The following SRCIN1 variants were observed in gnomAD, a reference collection of about 807,000 sequenced individuals.
SRCIN1 encodes the protein SRC kinase signaling inhibitor 1, also known as P130Cas-associated protein.
In SRCIN1, 50 loss-of-function variants were observed where a neutral mutation model predicts 116.2. That is an observed-to-expected ratio of 0.43 (90% CI 0.34 to 0.54). The LOEUF is 0.54. SRCIN1 is among the 20% of genes least tolerant of loss of function. SRCIN1 has a pLI of 0.02. For synonymous variants in SRCIN1, 736 were observed against 750.0 expected, an observed-to-expected ratio of 0.98 and a Z score of 0.30; for missense variants, 1,446 against 1,672.0, an observed-to-expected ratio of 0.86 and a Z score of 2.36.
Position 38,562,052 on chromosome 17 carries a change from G to T in SRCIN1, c.1111C>A (p.Arg371=), listed in dbSNP as rs1444707817. 1.3e-6 allele frequency: 2 copies of T among 1,488,408 alleles called. No individual in the cohort carries two copies. The highest frequency in any genetic ancestry group is 2.9e-5 in the East Asian group (1 of 34,906). The allele number at this position is 1,488,408 out of a possible 1,614,324, so 92.2% of individuals were successfully genotyped here. The part of the protein sequence containing the change: ...VSPSPSAILE[R]RDVKPDEDLA... ...TCCTCGTCCGGCTTCACGTCGCGCCGCTCCAGGATGGCGCTGGGGCTGGGG... is the reference window on the plus strand; with the variant it reads ...TCCTCGTCCGGCTTCACGTCGCGCCTCTCCAGGATGGCGCTGGGGCTGGGG... The change falls in exon 7 of 19, where the codon CGG becomes AGG. Residue 371 remains arginine (R), a synonymous_variant. Coordinates refer to ENST00000617146, the MANE Select transcript of SRCIN1 (RefSeq NM_025248.3). This position sits in a 1 kb window ranked among gnomAD's most constrained non-coding sequence, Gnocchi z 4.2.
chr17:38,537,993 G>C (rs1236029943), intron 18 of SRCIN1, among the ~76,000 whole-genome samples: 1 of 146,286 alleles, frequency 6.8e-6, no homozygotes, highest in Non-Finnish European at 1.5e-5. Flanking sequence ...CCAGCTACTC[G>C]GGAGGCTGAG....
In SRCIN1 at chr17:38,568,033, C is replaced by T. The variant is rs749386067; in HGVS notation, c.345+178G>A. ...ACTCCATCCACAAGCCCCTGACAGG[C>T]GAACCCAGACTCTCCCAAAGCAGCA... On this transcript the variant is annotated intron_variant, in intron 3 of 18. Transcript: ENST00000617146. This position sits in a 1 kb window ranked among gnomAD's most constrained non-coding sequence, Gnocchi z 4.5. Among the ~76,000 whole-genome samples, 7 of 152,334 alleles carry T rather than the reference C, an allele frequency of 4.6e-5. No homozygotes were observed. The highest frequency in any genetic ancestry group is 1.4e-4 in the African/African-American group (6 of 41,584).
In SRCIN1 at chr17:38,552,881, G is replaced by T. The variant is rs1479668409; in HGVS notation, c.2202-26C>A. Reference sequence around the variant, plus strand: ...CTGCAGCCACAGAGAGACCCTTTCAGCCCTTTTGGCCTGAGATGCCAGCCC... The same window carrying T: ...CTGCAGCCACAGAGAGACCCTTTCATCCCTTTTGGCCTGAGATGCCAGCCC... On this transcript the variant is annotated intron_variant, in intron 11 of 18. Transcript: ENST00000617146. The surrounding 1 kb of genome is among the most constrained non-coding windows in gnomAD (Gnocchi z 5.3). The T allele has an allele frequency of 6.3e-7, 1 of 1,599,094 alleles. No individual in the cohort carries two copies. The highest frequency in any genetic ancestry group is 8.5e-7 in the Non-Finnish European group (1 of 1,171,132).
chr17:38,578,912 C>A, intron 1 of SRCIN1, 121 bp from the exon 2 acceptor site: 1 of 1,186,204 alleles, frequency 8.4e-7, no homozygotes, highest in South Asian at 1.7e-5. Context: ...GGAGAGGCGC[C>A]CGGGGAGAGG....
intron 10 of SRCIN1, 113 bp downstream of exon 10, chr17:38,559,472 C>A: frequency 4.5e-6 from 5 of 1,122,820 alleles, no homozygotes; most frequent in Non-Finnish European, 6.2e-6. Flanking sequence ...AGGACTCGGG[C>A]GTGGAAGCTC....
chr17:38,597,564 C>T (rs186665949), intron 1 of SRCIN1, among the ~76,000 whole-genome samples: 2 of 152,306 alleles, frequency 1.3e-5, no homozygotes, highest in Admixed American at 6.5e-5. Flanking sequence ...AGTGTTAATG[C>T]TCTTGATCTA....
intron 7 of SRCIN1, among the ~76,000 whole-genome samples, chr17:38,560,906 G>A (rs918179838): frequency 6.6e-6 from 1 of 152,212 alleles, no homozygotes; most frequent in African/African-American, 2.4e-5. Flanking sequence ...GCTCAGCAGC[G>A]CTGCCTGAGG....
At chr17:38,536,860 G>T (rs879333329) in intron 18 of SRCIN1, among the ~76,000 whole-genome samples, 1 of 152,224 alleles carries the variant, frequency 6.6e-6, no homozygotes, top group Non-Finnish European at 1.5e-5. Flanking sequence ...TCTGTTGGAG[G>T]CTTCTGGGAA....
intron 1 of SRCIN1, chr17:38,601,200 T>C (rs1005269751): frequency 6.6e-6 from 1 of 152,306 alleles, no homozygotes; most frequent in African/African-American, 2.4e-5. Context: ...CACGCAGACA[T>C]CTGGGCACTG....
At chr17:38,551,764 A>G in intron 14 of SRCIN1, 122 bp downstream of exon 14, 1 of 1,529,102 alleles carries the variant, frequency 6.5e-7, no homozygotes. Flanking sequence ...CCATTAGGGC[A>G]CTGGCCCTCC....
intron 18 of SRCIN1, chr17:38,542,892 C>T: frequency 2.8e-6 from 1 of 357,930 alleles, no homozygotes. Context: ...GCCTCTGAGT[C>T]TAGAACCTTC....
chr17:38,572,788 G>GGCCGCCGCC lies in SRCIN1; in HGVS notation c.325-4566_325-4558dup, dbSNP rs1907176759. The stretch of plus-strand genomic sequence containing the variant: ...CTCCCCCGGCCGCCTCCGCAGCCGC[G>GGCCGCCGCC]GCCGCCGCCGCCGGTGCCCTTTGCT... On this transcript the variant is annotated intron_variant, in intron 2 of 18. Coordinates refer to ENST00000617146, the MANE Select transcript of SRCIN1 (RefSeq NM_025248.3). This position sits in a 1 kb window ranked among gnomAD's most constrained non-coding sequence, Gnocchi z 4.3. 2 of 152,498 alleles carry GGCCGCCGCC rather than the reference G, an allele frequency of 1.3e-5. No homozygotes were observed. Among genetic ancestry groups the GGCCGCCGCC allele is most frequent in the South Asian group, 1.8e-4 (1 of 5,666 alleles). 9.4% of individuals were successfully genotyped at this position (152,498 alleles called of 1,614,324 possible).
At chr17:38,579,432 G>A (rs1907645005) in intron 1 of SRCIN1, among the ~76,000 whole-genome samples, 1 of 152,176 alleles carries the variant, frequency 6.6e-6, no homozygotes, top group Non-Finnish European at 1.5e-5. Context: ...TGGGGCAGTG[G>A]GACCCCTTTT....
In SRCIN1 at chr17:38,581,775, C is replaced by T. The variant is rs144923524; in HGVS notation, c.23-2984G>A. Among the ~76,000 whole-genome samples the T allele has an allele frequency of 3.8e-3, 576 of 152,264 alleles. 3 individuals are homozygous for T. Among genetic ancestry groups the T allele is most frequent in the African/African-American group, 0.013 (560 of 41,548 alleles). ...GGTACTTGTGGCAACCCACAGTGGC[C>T]AGAAGTGTGGCTAAAGGAGAGTGGC... On this transcript the variant is annotated intron_variant, in intron 1 of 18. Transcript: ENST00000617146.
At position 38,561,615 on chromosome 17, in the gene SRCIN1, C is replaced by A. The variant is rs1270229462; in HGVS notation, c.1548G>T (p.Ser516=). 7 of 1,588,006 alleles carry A rather than the reference C, an allele frequency of 4.4e-6. No homozygotes were observed. Among genetic ancestry groups the A allele is most frequent in the Non-Finnish European group, 6.0e-6 (7 of 1,167,292 alleles). ...CTCCAGGACTCTCGGCAAAGACGGA[C>A]GAGGAGCCCGAGTCCTTGCGGAAGG... is the stretch of plus-strand genomic sequence containing the variant. The part of the protein sequence containing the change: ...RQSFRKDSGS[S]SVFAESPGGK... Residue 516 remains serine, a synonymous_variant, in exon 7 of 19, where the codon TCG becomes TCT. Coordinates refer to ENST00000617146, the MANE Select transcript of SRCIN1 (RefSeq NM_025248.3).
chr17:38,598,442 C>G (rs967309708), intron 1 of SRCIN1, among the ~76,000 whole-genome samples: 11 of 152,114 alleles, frequency 7.2e-5, no homozygotes, highest in Non-Finnish European at 1.0e-4. Context: ...ACGTCCCCCC[C>G]GCAATCTCCC....
At chr17:38,560,012 G>C (rs1906121702) in intron 9 of SRCIN1, 42 bp downstream of exon 9, 2 of 1,494,794 alleles carry the variant, frequency 1.3e-6, no homozygotes, top group Admixed American at 2.0e-5. Context: ...TAGAAAACAG[G>C]CTCGGAGAGA....
chr17:38,549,091 CCA>C lies in SRCIN1; in HGVS notation c.3080_3081del (p.Val1027GlyfsTer15). 1 of 1,612,900 alleles carries C rather than the reference CCA, an allele frequency of 6.2e-7. No individual in the cohort carries two copies. Among genetic ancestry groups the C allele is most frequent in the South Asian group, 1.1e-5 (1 of 91,046 alleles). ...GCCGAGTCCTTCTTGCTGGTGACCA[CCA>C]CCTCTCCGGTACGTGTGGTGGTCAG... ...HGLTTTRTGE[V>X]VVTSKKDSAF... On this transcript the variant is annotated frameshift_variant, in exon 16 of 19. Coordinates refer to ENST00000617146, the MANE Select transcript of SRCIN1 (RefSeq NM_025248.3). LOFTEE classifies it high-confidence loss of function.
chr17:38,540,828 G>A (rs1904690930), intron 18 of SRCIN1, among the ~76,000 whole-genome samples: 1 of 152,072 alleles, frequency 6.6e-6, no homozygotes, highest in South Asian at 2.1e-4. Context: ...CCCACCCCCA[G>A]GTCTTGGGAA....
Sources: allele counts gnomAD v4.1 joint callset (sites outside exome capture counted in the v4.1 genomes callset), GRCh38; gene constraint gnomAD v4.1.1; non-coding constraint Gnocchi (gnomAD v3.1); transcripts MANE v1.5; gene names NCBI Gene and HGNC (gene_info 2026-07-23, HGNC 2026-07-21).